Variants in KDM2B observed in about 807,000 individuals in gnomAD.
The protein encoded by KDM2B is lysine-specific demethylase 2B.
KDM2B carries 26 observed loss-of-function variants against 150.0 expected under a neutral mutation model. That is an observed-to-expected ratio of 0.17 (90% CI 0.13 to 0.24). The LOEUF is 0.24. Among genes scored for constraint, KDM2B ranks in the 10% least tolerant of loss-of-function variants. The probability of loss-of-function intolerance (pLI) is 1.00; values close to 1 mark genes in which losing one functional copy is unlikely to be tolerated. For synonymous variants in KDM2B, 734 were observed against 729.5 expected (o/e 1.01, Z -0.10); for missense variants, 1,265 against 1,816.9 (o/e 0.70, Z 5.52).
At chr12:121,580,511 G>C in intron 1 of KDM2B, 1 of 1,246,030 alleles carries the variant, frequency 8.0e-7, no homozygotes, top group Non-Finnish European at 1.0e-6. Flanking sequence ...GGAGTTGTGT[G>C]CAGAGCTGAC....
chr12:121,581,000 A>T lies in KDM2B; in HGVS notation c.-89T>A. The T allele has an allele frequency of 2.0e-6, 3 of 1,523,044 alleles. No individual in the cohort carries two copies. Among genetic ancestry groups the T allele is most frequent in the Non-Finnish European group, 2.7e-6 (3 of 1,131,872 alleles). The allele number at this position is 1,523,044 out of a possible 1,614,324, so 94.3% of individuals were successfully genotyped here. On this transcript the variant is annotated 5_prime_UTR_variant, in exon 1 of 23. Coordinates refer to ENST00000377071, the MANE Select transcript of KDM2B (RefSeq NM_032590.5). ...CCTAACTTTTAAACTCCCGGCACTC[A>T]AAGATGTGGACACACACACGTACAG...
Position 121,549,400 on chromosome 12 carries a change from G to A in KDM2B, c.576+60C>T. ...GCAAGGCACAACCCAGGTGGCAGGG[G>A]GACAGGGAAGGAGATGAGGTGGAAG... On this transcript the variant is annotated intron_variant, in intron 5 of 22. Coordinates refer to ENST00000377071, the MANE Select transcript of KDM2B (RefSeq NM_032590.5). The surrounding 1 kb of genome is among the most constrained non-coding windows in gnomAD (Gnocchi z 4.4). 1 of 1,463,462 alleles carries A rather than the reference G, an allele frequency of 6.8e-7. No homozygotes were observed. 90.7% of individuals were successfully genotyped at this position (1,463,462 alleles called of 1,614,324 possible). A position where few individuals can be genotyped will look rare whatever the true frequency, so the allele number is the denominator to read the frequency against.
chr12:121,457,320 G>A (rs1311310385), intron 12 of KDM2B, among the ~76,000 whole-genome samples: 1 of 151,852 alleles, frequency 6.6e-6, no homozygotes, highest in South Asian at 2.1e-4. Context: ...GGAGTGCAGT[G>A]GCGTCATCTT....
At chr12:121,499,401 G>A (rs983457984) in intron 11 of KDM2B, among the ~76,000 whole-genome samples, 4 of 151,550 alleles carry the variant, frequency 2.6e-5, no homozygotes, top group South Asian at 2.1e-4. Flanking sequence ...GATTATAGGC[G>A]TGAGCCACCA....
chr12:121,467,063 C>T lies in KDM2B; in HGVS notation c.1735-13719G>A, dbSNP rs2139467931. The T allele has an allele frequency of 4.8e-6, 3 of 620,174 alleles. No homozygotes were observed. The highest frequency in any genetic ancestry group is 1.3e-4 in the East Asian group (1 of 7,416). 38.4% of individuals were successfully genotyped at this position (620,174 alleles called of 1,614,324 possible). A position where few individuals can be genotyped will look rare whatever the true frequency, so the allele number is the denominator to read the frequency against. On this transcript the variant is annotated intron_variant, in intron 12 of 22. Transcript: ENST00000377071. The surrounding 1 kb of genome is among the most constrained non-coding windows in gnomAD (Gnocchi z 5.1). ...CAGCAAAACTTTCTCCTCATCGCGGCGGCGGCGGCGTCGCGGCCGCCCTCG... is the reference window on the plus strand; with the variant it reads ...CAGCAAAACTTTCTCCTCATCGCGGTGGCGGCGGCGTCGCGGCCGCCCTCG...
intron 12 of KDM2B, among the ~76,000 whole-genome samples, chr12:121,483,499 C>T (rs1882387050): frequency 6.6e-6 from 1 of 151,938 alleles, no homozygotes; most frequent in Non-Finnish European, 1.5e-5. Flanking sequence ...ATGGCAAGAC[C>T]CCATCTCTAC....
intron 12 of KDM2B, chr12:121,494,137 G>T (rs978010627): frequency 1.2e-5 from 2 of 163,930 alleles, no homozygotes; most frequent in African/African-American, 4.8e-5. Context: ...AGATTATGGC[G>T]TGAGCCACCG....
At chr12:121,495,490 G>A (rs1883831375) in intron 11 of KDM2B, among the ~76,000 whole-genome samples, 1 of 152,080 alleles carries the variant, frequency 6.6e-6, no homozygotes, top group South Asian at 2.1e-4. Context: ...GTGCAGACAG[G>A]GTATATGCCA....
chr12:121,506,263 T>C (rs2140760672), intron 11 of KDM2B, among the ~76,000 whole-genome samples: 1 of 152,198 alleles, frequency 6.6e-6, no homozygotes, highest in East Asian at 1.9e-4. Flanking sequence ...TTCCAAAATG[T>C]TAGGATTACA....
intron 12 of KDM2B, among the ~76,000 whole-genome samples, chr12:121,492,293 A>C (rs1340066298): frequency 2.0e-5 from 3 of 152,176 alleles, no homozygotes; most frequent in Non-Finnish European, 4.4e-5. Flanking sequence ...TATATCAAAA[A>C]TATAGTCATT....
At chr12:121,494,491 G>T in intron 12 of KDM2B, 88 bp downstream of exon 12, 1 of 923,620 alleles carries the variant, frequency 1.1e-6, no homozygotes, top group Non-Finnish European at 1.7e-6. Context: ...AGGCCCCATA[G>T]CTACCCAAAA....
the KDM2B span, among the ~76,000 whole-genome samples, chr12:121,422,400 CAGA>C: frequency 3.6e-3 from 551 of 152,314 alleles, 1 homozygote; most frequent in Non-Finnish European, 6.3e-3. Flanking sequence ...ACCCTCCACA[CAGA>C]AGGAGAGACC....
chr12:121,578,095 C>T (rs1310071746), intron 2 of KDM2B, among the ~76,000 whole-genome samples: 1 of 152,198 alleles, frequency 6.6e-6, no homozygotes, highest in Non-Finnish European at 1.5e-5. Context: ...TGCCAGGGGA[C>T]AGGGATCTCC....
At chr12:121,501,952 G>A (rs1884605064) in intron 11 of KDM2B, among the ~76,000 whole-genome samples, 1 of 152,068 alleles carries the variant, frequency 6.6e-6, no homozygotes. Flanking sequence ...AGCCAACTGC[G>A]CTGGTGATCT....
intron 13 of KDM2B, among the ~76,000 whole-genome samples, chr12:121,449,820 C>T (rs1876921331): frequency 6.6e-6 from 1 of 152,144 alleles, no homozygotes; most frequent in Non-Finnish European, 1.5e-5. Flanking sequence ...ACAAATTCCC[C>T]GAAATCCATG....
At chr12:121,534,978 T>C (rs1160499928) in intron 6 of KDM2B, among the ~76,000 whole-genome samples, 2 of 151,998 alleles carry the variant, frequency 1.3e-5, no homozygotes, top group Non-Finnish European at 2.9e-5. Flanking sequence ...TACCTGCAGT[T>C]CTCCCAAGCT....
rs782222166 is a variant in KDM2B at position 121,494,648 on chromosome 12, G to T, written c.1665C>A (p.His555Gln). The T allele has an allele frequency of 6.2e-7, 1 of 1,612,410 alleles. No individual in the cohort carries two copies. Among genetic ancestry groups the T allele is most frequent in the Non-Finnish European group, 8.5e-7 (1 of 1,179,294 alleles). The change falls in exon 12 of 23, where the codon CAC (histidine) becomes CAA (glutamine). Residue 555 changes from histidine to glutamine, a missense_variant. By Grantham distance (24) the His-to-Gln change is conservative. Transcript: ENST00000377071. ...LEGVKNVLKE[H>Q]ADDDPSLAIT... ...TGGCCAGACTAGGGTCATCATCTGC[G>T]TGCTCCTTCAGGACGTTCTGTGGCC...
intron 4 of KDM2B, among the ~76,000 whole-genome samples, chr12:121,557,090 C>T (rs1351761286): frequency 6.6e-6 from 1 of 152,006 alleles, no homozygotes; most frequent in African/African-American, 2.4e-5. Context: ...ACCCACGTAC[C>T]TCAAGGGGTA....
At chr12:121,536,706 C>T (rs191192858) in intron 6 of KDM2B, among the ~76,000 whole-genome samples, 3 of 152,018 alleles carry the variant, frequency 2.0e-5, no homozygotes, top group African/African-American at 2.4e-5. Flanking sequence ...GTTTCCACCC[C>T]CTCCAGGCCT....
Sources: gnomAD v4.1 joint callset for allele counts (sites outside exome capture counted in the v4.1 genomes callset) on GRCh38, gnomAD v4.1.1 for gene constraint, Gnocchi (gnomAD v3.1) non-coding constraint, MANE v1.5 for transcripts, NCBI Gene and HGNC (gene_info 2026-07-23, HGNC 2026-07-21) for gene names.